The following ERC1 variants were observed in gnomAD, a reference collection of about 807,000 sequenced individuals.
ERC1 encodes the protein RAB6 interacting protein 2.
A neutral mutation model predicts 132.0 loss-of-function variants in ERC1; 56 were observed. The observed-to-expected ratio is 0.42, with a 90% CI of 0.34 to 0.53. The LOEUF (loss-of-function observed/expected upper bound fraction) is 0.53. Among genes scored for constraint, ERC1 ranks in the 20% least tolerant of loss-of-function variants. The pLI is 0.03. For synonymous variants in ERC1, 478 were observed against 476.1 expected (o/e 1.00, Z -0.05); for missense variants, 1,202 against 1,349.9 (o/e 0.89, Z 1.72).
At chr12:1,140,030 G>A (rs1593635557) in intron 7 of ERC1, among the ~76,000 whole-genome samples, 1 of 152,222 alleles carries the variant, frequency 6.6e-6, no homozygotes, top group Non-Finnish European at 1.5e-5. Context: ...AGAACTTGTG[G>A]TGAATAATGA....
intron 8 of ERC1, among the ~76,000 whole-genome samples, chr12:1,179,588 G>T (rs977903076): frequency 7.0e-6 from 1 of 143,140 alleles, no homozygotes; most frequent in African/African-American, 2.6e-5. Flanking sequence ...GCTCACTGCA[G>T]GCTCCGCCTC....
intron 15 of ERC1, among the ~76,000 whole-genome samples, chr12:1,360,122 C>T (rs993895086): frequency 1.3e-5 from 2 of 152,142 alleles, no homozygotes; most frequent in Non-Finnish European, 2.9e-5. Flanking sequence ...AGAAGACATT[C>T]TGAGGCTTAT....
At chr12:1,073,952 C>T (rs1272956709) in intron 2 of ERC1, among the ~76,000 whole-genome samples, 6 of 148,820 alleles carry the variant, frequency 4.0e-5, no homozygotes, top group South Asian at 2.2e-4. Flanking sequence ...CTGCAACCTC[C>T]GCCTCCCGGA....
intron 7 of ERC1, among the ~76,000 whole-genome samples, chr12:1,125,216 A>C (rs561640055): frequency 3.1e-4 from 47 of 151,930 alleles, no homozygotes; most frequent in Non-Finnish European, 5.0e-4. Flanking sequence ...GGCTGGTCTC[A>C]ATCTCCTGAC....
intron 1 of ERC1, among the ~76,000 whole-genome samples, chr12:1,025,059 G>A (rs1177903658): frequency 6.6e-6 from 1 of 152,076 alleles, no homozygotes; most frequent in African/African-American, 2.4e-5. Flanking sequence ...AGCATCCTGG[G>A]ATTTTTGTTG....
chr12:1,408,220 A>G lies in ERC1; in HGVS notation c.2997A>G (p.Gln999=), dbSNP rs2091630712. The G allele has an allele frequency of 6.2e-7, 1 of 1,613,954 alleles. No individual in the cohort carries two copies. Among genetic ancestry groups the G allele is most frequent in the Non-Finnish European group, 8.5e-7 (1 of 1,179,896 alleles). Reference sequence around the variant, plus strand: ...ACTTCAAATCCTCCCATTCCAATCAAACAAATCACAAGCCCTCCCCAGACC... The same window carrying G: ...ACTTCAAATCCTCCCATTCCAATCAGACAAATCACAAGCCCTCCCCAGACC... ...DDHFKSSHSN[Q]TNHKPSPDQI... is the part of the protein sequence containing the mutation. The change falls in exon 17 of 19, where the codon CAA becomes CAG. Residue 999 remains glutamine, a synonymous_variant. Transcript: ENST00000360905.
intron 17 of ERC1, among the ~76,000 whole-genome samples, chr12:1,440,278 C>T (rs2093073499): frequency 6.9e-6 from 1 of 144,148 alleles, no homozygotes; most frequent in Non-Finnish European, 1.5e-5. Flanking sequence ...CATCTCGGCT[C>T]ACTGCAAGCT....
intron 14 of ERC1, among the ~76,000 whole-genome samples, chr12:1,286,042 C>T (rs147524748): frequency 1.4e-4 from 22 of 151,996 alleles, no homozygotes; most frequent in Non-Finnish European, 2.6e-4. Flanking sequence ...AGATGGAGTC[C>T]CAGCACTTTG....
At chr12:1,042,335 C>T (rs1970355071) in intron 2 of ERC1, among the ~76,000 whole-genome samples, 1 of 119,866 alleles carries the variant, frequency 8.3e-6, no homozygotes. Flanking sequence ...TTGCGCCCGG[C>T]CTGTTTTTTT....
At chr12:1,373,475 T>C (rs1191564251) in intron 16 of ERC1, among the ~76,000 whole-genome samples, 1 of 152,228 alleles carries the variant, frequency 6.6e-6, no homozygotes, top group Non-Finnish European at 1.5e-5. Context: ...ACATATGTTT[T>C]CATTATGTGA....
chr12:1,358,022 G>C (rs924773593), intron 15 of ERC1, among the ~76,000 whole-genome samples: 7 of 152,110 alleles, frequency 4.6e-5, no homozygotes, highest in Non-Finnish European at 1.0e-4. Flanking sequence ...TCTGTCTTGT[G>C]ATAGCCCTTG....
intron 8 of ERC1, among the ~76,000 whole-genome samples, chr12:1,164,620 G>C (rs1293230807): frequency 6.6e-6 from 1 of 152,180 alleles, no homozygotes; most frequent in African/African-American, 2.4e-5. Flanking sequence ...GATTACAGGC[G>C]TGAGCCACTG....
intron 12 of ERC1, among the ~76,000 whole-genome samples, chr12:1,220,726 GAGAC>G (rs1386302010): frequency 2.4e-4 from 37 of 152,136 alleles, no homozygotes; most frequent in Non-Finnish European, 4.9e-4. Flanking sequence ...AAAAATATAT[GAGAC>G]AGATTTTACA....
intron 15 of ERC1, among the ~76,000 whole-genome samples, chr12:1,305,013 C>A (rs1030300425): frequency 5.9e-5 from 9 of 151,718 alleles, no homozygotes; most frequent in African/African-American, 2.2e-4. Flanking sequence ...TGGTCTCGAT[C>A]TCCGGATCCA....
chr12:1,074,149 A>G (rs1940943258), intron 2 of ERC1, among the ~76,000 whole-genome samples: 1 of 152,086 alleles, frequency 6.6e-6, no homozygotes, highest in Non-Finnish European at 1.5e-5. Flanking sequence ...GGTGTGAGCC[A>G]CCATGCCTGG....
chr12:1,137,277 T>C (rs1327396333), intron 7 of ERC1, among the ~76,000 whole-genome samples: 3 of 151,466 alleles, frequency 2.0e-5, no homozygotes, highest in Non-Finnish European at 4.4e-5. Context: ...TTTTGTATTT[T>C]TAGTAGAGAT....
chr12:1,471,998 T>C (rs896928383), intron 18 of ERC1, among the ~76,000 whole-genome samples: 1 of 152,190 alleles, frequency 6.6e-6, no homozygotes, highest in African/African-American at 2.4e-5. Flanking sequence ...GTCTTACTTG[T>C]AAGGTTAGAG....
chr12:1,164,907 T>G (rs1298303120), intron 8 of ERC1, among the ~76,000 whole-genome samples: 1 of 152,174 alleles, frequency 6.6e-6, no homozygotes, highest in Non-Finnish European at 1.5e-5. Flanking sequence ...TTAACCAGAA[T>G]GGAAGTGGAA....
Position 1,266,345 on chromosome 12 carries a change from G to A in ERC1, c.2619+3180G>A, listed in dbSNP as rs1448752753. ...TGAAGCCTTACAACCTTCATCTACT[G>A]TCCTCTCCTCTCCCATTTTTTATTA... On this transcript the variant is annotated intron_variant, in intron 14 of 18. Transcript: ENST00000360905. Among the ~76,000 whole-genome samples the A allele has an allele frequency of 2.1e-5, 3 of 141,966 alleles. No homozygotes were observed. The East Asian group carries it at 6.2e-4, about 29-fold the overall frequency. The allele number at this position is 141,966 out of a possible 152,430, so 93.1% of individuals were successfully genotyped here.
Sources: gnomAD v4.1 joint callset for allele counts (sites outside exome capture counted in the v4.1 genomes callset) on GRCh38, gnomAD v4.1.1 for gene constraint, MANE v1.5 for transcripts, NCBI Gene and HGNC (gene_info 2026-07-23, HGNC 2026-07-21) for gene names.